MYRFL: variants seen among roughly 807,000 people sequenced by gnomAD.
MYRFL encodes myelin regulatory factor like.
Under a neutral mutation model 109.4 loss-of-function variants are expected in MYRFL, and 88 were observed. That is an observed-to-expected ratio of 0.80 (90% CI 0.68 to 0.96). The LOEUF (loss-of-function observed/expected upper bound fraction) is 0.96, where lower values mean the gene tolerates loss of function less well. MYRFL is among the 40% of genes least tolerant of loss of function. MYRFL has a pLI of 0.00. For synonymous variants in MYRFL, 324 were observed against 320.9 expected (o/e 1.01, Z -0.10); for missense variants, 957 against 954.9 (o/e 1.00, Z -0.03).
At chr12:69,870,391 C>T (rs1392417596) in intron 2 of MYRFL, among the ~76,000 whole-genome samples, 2 of 152,010 alleles carry the variant, frequency 1.3e-5, no homozygotes, top group African/African-American at 2.4e-5. Flanking sequence ...CAGGGTTGGC[C>T]GCTCAGGGTA....
At chr12:69,828,121 A>G (rs1251751474) in intron 1 of MYRFL, among the ~76,000 whole-genome samples, 2 of 152,134 alleles carry the variant, frequency 1.3e-5, no homozygotes, top group Non-Finnish European at 2.9e-5. Context: ...AGATTTTGAC[A>G]TGGATTGAAA....
chr12:69,910,691 A>G (rs963145825), intron 12 of MYRFL, 130 bp from the exon 13 acceptor site: 3 of 566,770 alleles, frequency 5.3e-6, no homozygotes, highest in Non-Finnish European at 8.9e-6. Context: ...TTTTAATCCT[A>G]TAGTGGTTCT....
At chr12:69,911,711 A>C (rs1566019624) in intron 13 of MYRFL, among the ~76,000 whole-genome samples, 1 of 152,200 alleles carries the variant, frequency 6.6e-6, no homozygotes, top group Non-Finnish European at 1.5e-5. Flanking sequence ...AAGGTTTGCA[A>C]ATGCACTCTG....
chr12:69,900,248 C>A (rs896907861), intron 10 of MYRFL, among the ~76,000 whole-genome samples: 1 of 152,176 alleles, frequency 6.6e-6, no homozygotes, highest in Non-Finnish European at 1.5e-5. Flanking sequence ...TATGTGTACA[C>A]ATGCAAACAC....
At chr12:69,829,185 C>T (rs4761268) in intron 1 of MYRFL, among the ~76,000 whole-genome samples, 4,996 of 152,138 alleles carry the variant, frequency 0.033, 104 homozygotes, top group Non-Finnish European at 0.048. Context: ...CTCTTGAGAT[C>T]TATGAGGAAG....
chr12:69,923,482 A>G (rs185943362), intron 13 of MYRFL, among the ~76,000 whole-genome samples: 215 of 152,214 alleles, frequency 1.4e-3, no homozygotes, highest in African/African-American at 5.1e-3. Context: ...TTAAATTTAG[A>G]TTTGCTAGGG....
At position 69,906,922 on chromosome 12, in the gene MYRFL, A is replaced by T. The variant is rs565326226; in HGVS notation, c.1384-3047A>T. Reference sequence around the variant, plus strand: ...TTGGGTGTGAGGCAGCATGATGCTGATGGCTATTTGCATCCATGGTCAAAA... The same window carrying T: ...TTGGGTGTGAGGCAGCATGATGCTGTTGGCTATTTGCATCCATGGTCAAAA... On this transcript the variant is annotated intron_variant, in intron 11 of 24. Coordinates refer to ENST00000552032, the MANE Select transcript of MYRFL (RefSeq NM_182530.3). 9.5e-4 allele frequency among the ~76,000 whole-genome samples: 144 copies of T among 152,378 alleles called. 3 individuals carry two copies. Among genetic ancestry groups the T allele is most frequent in the Admixed American group, 2.1e-3 (32 of 15,314 alleles).
chr12:69,936,663 G>A, intron 19 of MYRFL, 31 bp downstream of exon 19: 6 of 1,454,358 alleles, frequency 4.1e-6, no homozygotes, highest in Non-Finnish European at 5.4e-6. Flanking sequence ...AACAACTAGA[G>A]CTTTGAACTT....
chr12:69,874,111 T>A (rs1885515177), intron 2 of MYRFL, among the ~76,000 whole-genome samples: 1 of 152,232 alleles, frequency 6.6e-6, no homozygotes, highest in Non-Finnish European at 1.5e-5. Context: ...TATACCTATG[T>A]GCATTATAAA....
intron 2 of MYRFL, among the ~76,000 whole-genome samples, chr12:69,859,938 C>A (rs537941527): frequency 6.6e-6 from 1 of 151,312 alleles, no homozygotes; most frequent in South Asian, 2.1e-4. Flanking sequence ...TTTTTCTTTT[C>A]TTCAACTTTT....
intron 13 of MYRFL, among the ~76,000 whole-genome samples, chr12:69,917,769 T>C (rs899000985): frequency 9.2e-5 from 14 of 152,162 alleles, no homozygotes. Context: ...TGTATATTAA[T>C]GCCTGAGTTT....
At chr12:69,826,396 C>T (rs185988628) in intron 1 of MYRFL, among the ~76,000 whole-genome samples, 23 of 152,164 alleles carry the variant, frequency 1.5e-4, no homozygotes, top group Admixed American at 7.2e-4. Context: ...ACTGTTATTG[C>T]CTGATTTTAT....
intron 1 of MYRFL, among the ~76,000 whole-genome samples, chr12:69,833,339 A>G (rs1422521898): frequency 6.6e-6 from 1 of 152,206 alleles, no homozygotes; most frequent in Non-Finnish European, 1.5e-5. Context: ...AACGTTTCAA[A>G]TGTTTCTGAA....
chr12:69,844,582 C>T (rs1368893226), intron 1 of MYRFL, among the ~76,000 whole-genome samples: 9 of 152,202 alleles, frequency 5.9e-5, no homozygotes, highest in South Asian at 2.1e-4. Flanking sequence ...GGGGAGGCGG[C>T]GGGGCACGGG....
intron 2 of MYRFL, among the ~76,000 whole-genome samples, chr12:69,868,911 C>G (rs151232756): frequency 6.6e-6 from 1 of 151,544 alleles, no homozygotes; most frequent in Non-Finnish European, 1.5e-5. Flanking sequence ...CACACGCGCA[C>G]ACACACATGT....
chr12:69,835,822 G>A (rs1565960335), intron 1 of MYRFL, among the ~76,000 whole-genome samples: 3 of 152,192 alleles, frequency 2.0e-5, no homozygotes, highest in African/African-American at 4.8e-5. Context: ...ATACAGACGG[G>A]CAGGCTGTGG....
At position 69,958,427 on chromosome 12, in the gene MYRFL, T is replaced by A; in HGVS notation, c.2647-18T>A. The A allele has an allele frequency of 6.6e-7, 1 of 1,517,360 alleles. No homozygotes were observed. The highest frequency in any genetic ancestry group is 8.8e-7 in the Non-Finnish European group (1 of 1,140,342). The allele number at this position is 1,517,360 out of a possible 1,614,324, so 94.0% of individuals were successfully genotyped here. A position where few individuals can be genotyped will look rare whatever the true frequency, so the allele number is the denominator to read the frequency against. On this transcript the variant is annotated intron_variant, in intron 24 of 24. Coordinates refer to ENST00000552032, the MANE Select transcript of MYRFL (RefSeq NM_182530.3). ...TTTTACATTAATCTTCCTTTTTTTT[T>A]TTCTCCTTTTCTGACAGGATTTAGC...
intron 1 of MYRFL, among the ~76,000 whole-genome samples, chr12:69,829,493 AGAG>A (rs145355101): frequency 0.014 from 2,187 of 152,206 alleles, 114 homozygotes; most frequent in Admixed American, 0.11. Flanking sequence ...ATTGCTGTGT[AGAG>A]GAGAGCCGTT....
At chr12:69,897,915 G>A (rs1181862598) in intron 10 of MYRFL, among the ~76,000 whole-genome samples, 1 of 152,228 alleles carries the variant, frequency 6.6e-6, no homozygotes, top group Non-Finnish European at 1.5e-5. Context: ...GTGCAGCGGA[G>A]TCTTGGCAGG....
Sources: gnomAD v4.1 joint callset for allele counts (sites outside exome capture counted in the v4.1 genomes callset) on GRCh38, gnomAD v4.1.1 for gene constraint, MANE v1.5 for transcripts, NCBI Gene and HGNC (gene_info 2026-07-23, HGNC 2026-07-21) for gene names.